Variants in SP140 observed in about 807,000 individuals in gnomAD.
The protein encoded by SP140 is SP140 nuclear body protein.
In SP140, 81 loss-of-function variants were observed where a neutral mutation model predicts 125.0. The ratio of observed to expected loss-of-function variants is 0.65; its 90% CI spans 0.54 to 0.78. The LOEUF (loss-of-function observed/expected upper bound fraction) is 0.78. SP140 is among the 30% of genes least tolerant of loss of function. The probability of loss-of-function intolerance (pLI) is 0.00; values close to 1 mark genes in which losing one functional copy is unlikely to be tolerated. For missense variants in SP140, 858 were observed against 1,037.0 expected, an observed-to-expected ratio of 0.83 and a Z score of 2.37; for synonymous variants, 312 against 354.0, an observed-to-expected ratio of 0.88 and a Z score of 1.33.
intron 12 of SP140, among the ~76,000 whole-genome samples, chr2:230,262,032 C>T (rs749687107): frequency 6.6e-6 from 1 of 152,032 alleles, no homozygotes; most frequent in African/African-American, 2.4e-5. Context: ...GGATTGGTAC[C>T]AATTCTTTGA....
At position 230,228,475 on chromosome 2, in the gene SP140, A is replaced by G. The variant is rs866637131; in HGVS notation, c.59+2572A>G. Among the ~76,000 whole-genome samples, 4 of 152,348 alleles carry G rather than the reference A, an allele frequency of 2.6e-5. No individual in the cohort carries two copies. The South Asian group carries it at 8.3e-4, about 32-fold the overall frequency. On this transcript the variant is annotated intron_variant, in intron 1 of 26. Coordinates refer to ENST00000392045, the MANE Select transcript of SP140 (RefSeq NM_007237.5). ...CTGCCTGTGTGATATGTCAATTAAT[A>G]AAAAAGAAGTGTTGAAGCCTTCAAT...
At position 230,212,395 on chromosome 2, in the gene SP140, C is replaced by T. The variant is rs9061; in HGVS notation, c.-322-1259C>T. The T allele has an allele frequency of 0.1, 161,850 of 1,612,608 alleles. 9,687 individuals carry two copies. The highest frequency in any genetic ancestry group is 0.23 in the South Asian group (21,011 of 91,028). ...CTGGGCATCTCTTCTGAGTCTTCTT[C>T]CGCATTCATTTTGGATGTTAACTTG... is the stretch of plus-strand genomic sequence containing the variant. On this transcript the variant is annotated intron_variant, in intron 1 of 4. Transcript: ENST00000456542.
intron 3 of SP140, among the ~76,000 whole-genome samples, chr2:230,215,685 C>T (rs1450876665): frequency 6.6e-6 from 1 of 152,172 alleles, no homozygotes; most frequent in Non-Finnish European, 1.5e-5. Flanking sequence ...AATTATTGAA[C>T]ATCTACTAGG....
intron 22 of SP140, among the ~76,000 whole-genome samples, chr2:230,304,871 C>A (rs780286415): frequency 6.6e-6 from 1 of 152,104 alleles, no homozygotes; most frequent in African/African-American, 2.4e-5. Context: ...GGACCAAAAA[C>A]GCAAAAGCAA....
At chr2:230,221,905 T>A, upstream of SP140, 2 of 637,384 alleles carry the variant, frequency 3.1e-6, no homozygotes, top group Middle Eastern at 2.5e-4. Flanking sequence ...CAGCTGCGAA[T>A]GAGGATGAAA....
Position 230,312,737 on chromosome 2 carries a change from G to T in SP140, c.*53G>T. 1.5e-6 allele frequency: 2 copies of T among 1,364,834 alleles called. No homozygotes were observed. Among genetic ancestry groups the T allele is most frequent in the South Asian group, 1.2e-5 (1 of 85,412 alleles). The allele number at this position is 1,364,834 out of a possible 1,614,324, so 84.5% of individuals were successfully genotyped here. ...AGCAAATGGCACCCTAAAATATGCC[G>T]CTGGTTTGCCACTGACTTCAAAATG... On this transcript the variant is annotated 3_prime_UTR_variant, in exon 27 of 27. Coordinates refer to ENST00000392045, the MANE Select transcript of SP140 (RefSeq NM_007237.5).
Position 230,290,564 on chromosome 2 carries a change from G to A in SP140, c.1825G>A (p.Gly609Arg). The change falls in exon 19 of 27, where the codon GGA becomes AGA. Residue 609 changes from glycine (G) to arginine (R), a missense_variant and splice_region_variant. Physicochemically the swap from Gly to Arg is moderately radical, Grantham distance 125 (BLOSUM62 -2). Coordinates refer to ENST00000392045, the MANE Select transcript of SP140 (RefSeq NM_007237.5). The stretch of plus-strand genomic sequence containing the variant: ...TTTACATAAGAAGAAATTGCAGCAA[G>A]GTAGGTTTTATGGTCTTCTTTAATT... ...GILHKKKLQQGILVKCIQTED... is the reference protein window; with the variant it reads ...GILHKKKLQQRILVKCIQTED... 2.5e-6 allele frequency: 4 copies of A among 1,611,240 alleles called. No individual in the cohort carries two copies. Among genetic ancestry groups the A allele is most frequent in the Non-Finnish European group, 3.4e-6 (4 of 1,177,962 alleles).
chr2:230,294,674 G>A (rs1395335623), intron 21 of SP140, among the ~76,000 whole-genome samples: 2 of 152,134 alleles, frequency 1.3e-5, no homozygotes, highest in East Asian at 3.8e-4. Flanking sequence ...TAAGGTGAGA[G>A]GATCACCTTC....
At chr2:230,285,976 CATT>C (rs2149447232) in intron 17 of SP140, 144 bp downstream of exon 17, 1 of 623,942 alleles carries the variant, frequency 1.6e-6, no homozygotes, top group African/African-American at 1.8e-5. Flanking sequence ...AGAGCAAACT[CATT>C]ATAAGCAGGG....
At chr2:230,259,383 A>G (rs547698683) in intron 12 of SP140, among the ~76,000 whole-genome samples, 1 of 152,022 alleles carries the variant, frequency 6.6e-6, no homozygotes, top group African/African-American at 2.4e-5. Flanking sequence ...TTCACTTAGG[A>G]TGATAGTCTC....
intron 3 of SP140, among the ~76,000 whole-genome samples, chr2:230,219,009 G>C (rs1175571744): frequency 6.6e-6 from 1 of 152,208 alleles, no homozygotes; most frequent in African/African-American, 2.4e-5. Flanking sequence ...CGGATCAGCT[G>C]AGGTCAGGAG....
chr2:230,229,981 T>C (rs924915886), intron 1 of SP140, among the ~76,000 whole-genome samples: 4 of 152,146 alleles, frequency 2.6e-5, no homozygotes, highest in Non-Finnish European at 5.9e-5. Flanking sequence ...ATTTTCTCTG[T>C]CTTTCGTATT....
At chr2:230,189,125 A>G in the SP140 span, among the ~76,000 whole-genome samples, 2 of 151,750 alleles carry the variant, frequency 1.3e-5, no homozygotes, top group Non-Finnish European at 2.9e-5. Flanking sequence ...CTAATGTTCT[A>G]TCAATTTTGT....
Position 230,276,378 on chromosome 2 carries a change from G to A in SP140, c.1498+5739G>A, listed in dbSNP as rs766601994. ...ATTCTAAGTCTACTCTGCCTATGCT[G>A]TATAAGTAAAATAAAGCCCAGATCA... On this transcript the variant is annotated intron_variant, in intron 15 of 26. Coordinates refer to ENST00000392045, the MANE Select transcript of SP140 (RefSeq NM_007237.5). Among the ~76,000 whole-genome samples the A allele has an allele frequency of 2.0e-5, 3 of 152,118 alleles. No homozygotes were observed. The South Asian group carries it at 6.2e-4, about 32-fold the overall frequency.
upstream of SP140, chr2:230,200,793 A>G: frequency 9.6e-7 from 1 of 1,046,108 alleles, no homozygotes; most frequent in Non-Finnish European, 1.5e-6. Context: ...TAATGAAAAA[A>G]AAAAGTTAAG....
intron 12 of SP140, among the ~76,000 whole-genome samples, chr2:230,259,711 C>T (rs1261204397): frequency 6.8e-6 from 1 of 147,448 alleles, no homozygotes; most frequent in African/African-American, 2.5e-5. Flanking sequence ...TCTCCAATCT[C>T]ATCCAGGTCA....
chr2:230,281,892 G>A (rs1277415858), intron 15 of SP140, among the ~76,000 whole-genome samples: 3 of 151,754 alleles, frequency 2.0e-5, no homozygotes, highest in East Asian at 1.9e-4. Context: ...CTGTTTTTTC[G>A]TATCTCCTGC....
At chr2:230,310,222 T>C in intron 23 of SP140, 183 bp downstream of exon 23, 2 of 605,004 alleles carry the variant, frequency 3.3e-6, no homozygotes, top group South Asian at 4.1e-5. Context: ...GTTAATGTCC[T>C]CTGTGCTCTC....
At position 230,250,765 on chromosome 2, in the gene SP140, C is replaced by T. The variant is rs151208338; in HGVS notation, c.977-216C>T. Among the ~76,000 whole-genome samples, 573 of 152,208 alleles carry T rather than the reference C, an allele frequency of 3.8e-3. 9 individuals carry two copies. The highest frequency in any genetic ancestry group is 4.9e-3 in the Non-Finnish European group (333 of 68,008). Reference sequence around the variant, plus strand: ...GGGAGAAGGAGAGAGAATTAGGAGTCCAGGCAGCAAGTGAGCTGATGGATG... The same window carrying T: ...GGGAGAAGGAGAGAGAATTAGGAGTTCAGGCAGCAAGTGAGCTGATGGATG... On this transcript the variant is annotated intron_variant, in intron 9 of 26. Transcript: ENST00000392045.
Sources: gnomAD v4.1 joint callset for allele counts (sites outside exome capture counted in the v4.1 genomes callset) on GRCh38, gnomAD v4.1.1 for gene constraint, MANE v1.5 for transcripts, NCBI Gene and HGNC (gene_info 2026-07-23, HGNC 2026-07-21) for gene names.